Variants in ANAPC1 observed in about 807,000 individuals in gnomAD.
The protein encoded by ANAPC1 is anaphase-promoting complex subunit 1.
A neutral mutation model predicts 208.0 loss-of-function variants in ANAPC1; 36 were observed. The observed-to-expected ratio is 0.17, with a 90% CI of 0.13 to 0.23. The LOEUF is 0.23. ANAPC1 is among the 10% of genes least tolerant of loss of function. ANAPC1 has a pLI of 1.00. For missense variants in ANAPC1, 942 were observed against 2,011.6 expected (o/e 0.47, Z 10.17); for synonymous variants, 378 against 695.2 (o/e 0.54, Z 7.18).
intron 27 of ANAPC1, among the ~76,000 whole-genome samples, chr2:111,817,819 C>A (rs1679319982): frequency 1.0e-5 from 1 of 99,918 alleles, no homozygotes; most frequent in East Asian, 2.6e-4. Flanking sequence ...TTTCACAAAA[C>A]CATATATACT....
chr2:111,871,911 T>A (rs35366113), intron 6 of ANAPC1, among the ~76,000 whole-genome samples: 27,093 of 152,194 alleles, frequency 0.18, 2,834 homozygotes, highest in Middle Eastern at 0.3. Context: ...TAGGGTTTTC[T>A]AGGTATATAA....
chr2:111,826,591 C>T (rs1377640164), intron 21 of ANAPC1, among the ~76,000 whole-genome samples: 2 of 152,124 alleles, frequency 1.3e-5, no homozygotes, highest in East Asian at 1.9e-4. Context: ...ACTTTGTTTA[C>T]CTACTCAAAA....
chr2:111,845,956 G>A lies in ANAPC1; in HGVS notation c.1852+1182C>T, dbSNP rs1183868864. ...CGCCACTGCACTCCAGAACCTGGGC[G>A]ACAGAGCGAGACTCCGTCTCAAAAA... On this transcript the variant is annotated intron_variant, in intron 16 of 47. Coordinates refer to ENST00000341068, the MANE Select transcript of ANAPC1 (RefSeq NM_022662.4). 4.8e-5 allele frequency among the ~76,000 whole-genome samples: 6 copies of A among 125,496 alleles called. No individual in the cohort carries two copies. The East Asian group carries it at 6.9e-4, about 14-fold the overall frequency. 82.3% of individuals were successfully genotyped at this position (125,496 alleles called of 152,430 possible).
chr2:111,785,667 A>T (rs1279857078), intron 39 of ANAPC1, among the ~76,000 whole-genome samples, 190 bp from the exon 40 acceptor site: 1 of 152,002 alleles, frequency 6.6e-6, no homozygotes, highest in African/African-American at 2.4e-5. Context: ...ATTTTATATA[A>T]CTGACCTTTG....
intron 7 of ANAPC1, among the ~76,000 whole-genome samples, chr2:111,865,641 T>A (rs1317243038): frequency 6.6e-6 from 1 of 152,232 alleles, no homozygotes; most frequent in Non-Finnish European, 1.5e-5. Context: ...TTTTCATACA[T>A]ATATACACAC....
intron 14 of ANAPC1, among the ~76,000 whole-genome samples, chr2:111,850,287 G>GCC (rs1681317873): frequency 6.6e-6 from 1 of 151,436 alleles, no homozygotes; most frequent in South Asian, 2.1e-4. Flanking sequence ...GCCTGTGCCT[G>GCC]TGTGGTTTCT....
In ANAPC1 at chr2:111,825,056, A is replaced by G. The variant is rs1300937887; in HGVS notation, c.2742-20T>C. 6.2e-7 allele frequency: 1 copy of G among 1,613,918 alleles called. No homozygotes were observed. Among genetic ancestry groups the G allele is most frequent in the Admixed American group, 1.7e-5 (1 of 60,014 alleles). ...CTAAACCTATAAGAGAATAAAACAT[A>G]AAGTTATTAAGCAGAACAGTAAATA... On this transcript the variant is annotated intron_variant, in intron 23 of 47. Transcript: ENST00000341068.
intron 14 of ANAPC1, among the ~76,000 whole-genome samples, chr2:111,848,411 T>C (rs1681208569): frequency 6.6e-6 from 1 of 150,614 alleles, no homozygotes; most frequent in East Asian, 2.0e-4. Flanking sequence ...AGGCTGACAA[T>C]ATGCAAGGAA....
chr2:111,880,984 A>T, intron 1 of ANAPC1, 135 bp from the exon 2 acceptor site: 1 of 813,584 alleles, frequency 1.2e-6, no homozygotes, highest in Non-Finnish European at 1.9e-6. Flanking sequence ...TAAGTTGGTC[A>T]TAACATAAAA....
intron 29 of ANAPC1, among the ~76,000 whole-genome samples, chr2:111,807,553 A>G (rs4589767): frequency 0.69 from 103,196 of 149,596 alleles, 35,831 homozygotes; most frequent in African/African-American, 0.78. Flanking sequence ...TTAGCCAGGC[A>G]TAGTGGCGGG....
chr2:111,834,997 A>G, intron 18 of ANAPC1, 125 bp from the exon 19 acceptor site: 1 of 296,082 alleles, frequency 3.4e-6, no homozygotes, highest in Non-Finnish European at 4.5e-6. Flanking sequence ...AGAGTATGTT[A>G]AAAAAAAAAA....
At chr2:111,865,548 A>G (rs1682356980) in intron 7 of ANAPC1, among the ~76,000 whole-genome samples, 1 of 152,234 alleles carries the variant, frequency 6.6e-6, no homozygotes, top group Non-Finnish European at 1.5e-5. Context: ...ATGATTCTAT[A>G]ATCATAAGAA....
chr2:111,862,977 A>G (rs1350592973), intron 9 of ANAPC1, among the ~76,000 whole-genome samples: 1 of 152,070 alleles, frequency 6.6e-6, no homozygotes. Flanking sequence ...ATTTAAATAT[A>G]TATCTATATA....
At chr2:111,844,721 A>C (rs1471153705) in intron 16 of ANAPC1, among the ~76,000 whole-genome samples, 1 of 152,212 alleles carries the variant, frequency 6.6e-6, no homozygotes, top group Non-Finnish European at 1.5e-5. Context: ...TGATGTTCTA[A>C]ATGAGTTAAC....
At chr2:111,771,068 G>A (rs1205027236) in intron 47 of ANAPC1, 4 of 151,958 alleles carry the variant, frequency 2.6e-5, no homozygotes, top group Non-Finnish European at 4.5e-5. Flanking sequence ...TCTGCTCTAG[G>A]CTAATTGTAG....
intron 6 of ANAPC1, among the ~76,000 whole-genome samples, chr2:111,871,067 T>A (rs1387379045): frequency 6.6e-6 from 1 of 152,340 alleles, no homozygotes; most frequent in South Asian, 2.1e-4. Context: ...TGCCTACTTT[T>A]ATACCAGTAC....
chr2:111,839,721 TA>T (rs1220614842), intron 17 of ANAPC1, among the ~76,000 whole-genome samples: 2 of 152,188 alleles, frequency 1.3e-5, no homozygotes, highest in African/African-American at 4.8e-5. Context: ...AGTAACTATC[TA>T]ACCTAAAACT....
chr2:111,866,685 T>C (rs1252346769), intron 7 of ANAPC1, among the ~76,000 whole-genome samples: 1 of 149,102 alleles, frequency 6.7e-6, no homozygotes, highest in African/African-American at 2.5e-5. Flanking sequence ...GATCGTGCCA[T>C]TGCACTGCAG....
chr2:111,806,665 T>C (rs1216566001), intron 29 of ANAPC1, among the ~76,000 whole-genome samples: 1 of 138,934 alleles, frequency 7.2e-6, no homozygotes. Flanking sequence ...TTAAATATTA[T>C]GTTTAGACAT....
Sources: gnomAD v4.1 joint callset for allele counts (sites outside exome capture counted in the v4.1 genomes callset) on GRCh38, gnomAD v4.1.1 for gene constraint, MANE v1.5 for transcripts, NCBI Gene and HGNC (gene_info 2026-07-23, HGNC 2026-07-21) for gene names.